The following RABGAP1 variants were observed in gnomAD, a reference collection of about 807,000 sequenced individuals.
RABGAP1 encodes the protein RAB GTPase activating protein 1, also known as rab GTPase-activating protein 1.
In RABGAP1, 23 loss-of-function variants were observed where a neutral mutation model predicts 137.6. That is an observed-to-expected ratio of 0.17 (90% confidence interval 0.12 to 0.24). The LOEUF is 0.24. Among genes scored for constraint, RABGAP1 ranks in the 10% least tolerant of loss-of-function variants. The pLI is 1.00. For missense variants in RABGAP1, 906 were observed against 1,275.8 expected, an observed-to-expected ratio of 0.71 and a Z score of 4.42; for synonymous variants, 451 against 450.7, an observed-to-expected ratio of 1.00 and a Z score of -0.01.
At chr9:122,978,571 G>C (rs1835884702) in intron 2 of RABGAP1, among the ~76,000 whole-genome samples, 2 of 152,086 alleles carry the variant, frequency 1.3e-5, no homozygotes, top group Non-Finnish European at 1.5e-5. Flanking sequence ...GAAGTTTGAG[G>C]CTGCAGTGAG....
intron 1 of RABGAP1, among the ~76,000 whole-genome samples, chr9:122,952,045 G>A (rs2131605998): frequency 6.6e-6 from 1 of 152,252 alleles, no homozygotes; most frequent in Middle Eastern, 3.4e-3. Context: ...TAATGTCTCT[G>A]TAAGAATAAA....
chr9:123,034,516 TG>T, intron 13 of RABGAP1: 1 of 1,183,082 alleles, frequency 8.5e-7, no homozygotes, highest in Non-Finnish European at 1.2e-6. Flanking sequence ...TTTGAACTGT[TG>T]GCAGCAGCCA....
chr9:123,059,883 C>G (rs1256237718), intron 13 of RABGAP1, among the ~76,000 whole-genome samples: 1 of 152,156 alleles, frequency 6.6e-6, no homozygotes, highest in East Asian at 1.9e-4. Context: ...GTTAGAGTAG[C>G]CCAAAGCGAC....
At chr9:123,092,939 C>T (rs1474512142) in intron 21 of RABGAP1, among the ~76,000 whole-genome samples, 1 of 152,156 alleles carries the variant, frequency 6.6e-6, no homozygotes. Flanking sequence ...GCCCATCCTG[C>T]AGTCATCTAA....
intron 14 of RABGAP1, among the ~76,000 whole-genome samples, chr9:123,065,774 A>G (rs2034149844): frequency 6.6e-6 from 1 of 151,964 alleles, no homozygotes; most frequent in African/African-American, 2.4e-5. Context: ...GACACTGCAG[A>G]CTCCTTTTCA....
chr9:122,964,940 G>A (rs1835059186), intron 2 of RABGAP1, among the ~76,000 whole-genome samples: 1 of 152,176 alleles, frequency 6.6e-6, no homozygotes, highest in Non-Finnish European at 1.5e-5. Flanking sequence ...AGGCTGCAGT[G>A]CGTTGTGATC....
At chr9:122,959,401 G>C (rs1175460992) in intron 2 of RABGAP1, among the ~76,000 whole-genome samples, 2 of 149,858 alleles carry the variant, frequency 1.3e-5, no homozygotes, top group Non-Finnish European at 3.0e-5. Flanking sequence ...AAATTTTGGA[G>C]AGTTTTGAAT....
intron 13 of RABGAP1, among the ~76,000 whole-genome samples, chr9:123,052,551 C>T (rs1433819658): frequency 1.3e-5 from 2 of 152,162 alleles, no homozygotes; most frequent in Non-Finnish European, 1.5e-5. Flanking sequence ...GTGAACAAAA[C>T]AGAAATCTCT....
intron 19 of RABGAP1, among the ~76,000 whole-genome samples, chr9:123,089,075 G>C (rs2034958272): frequency 2.6e-5 from 2 of 77,916 alleles, no homozygotes; most frequent in Non-Finnish European, 1.1e-4. Flanking sequence ...GAAAAGGCTT[G>C]AGAGAAAGAG....
At chr9:122,981,225 C>T (rs1836037668) in intron 2 of RABGAP1, among the ~76,000 whole-genome samples, 1 of 152,022 alleles carries the variant, frequency 6.6e-6, no homozygotes, top group Admixed American at 6.6e-5. Context: ...AGGGTTGCAC[C>T]ATGTTGGCCA....
rs774791977 is a variant in RABGAP1 at position 122,996,575 on chromosome 9, A to T, written c.1071A>T (p.Val357=). The change falls in exon 8 of 26, where the codon GTA becomes GTT. Residue 357 remains valine (V), a synonymous_variant. Coordinates refer to ENST00000373647, the MANE Select transcript of RABGAP1 (RefSeq NM_012197.4). ...TTCTCCTTAGTCCAGGAAAAGATGT[A>T]CGAAATAGTGACATGCACTTATTAG... ...FGLLLSPGKD[V]RNSDMHLLDL... 1.2e-6 allele frequency: 2 copies of T among 1,609,414 alleles called. No homozygotes were observed. Among genetic ancestry groups the T allele is most frequent in the South Asian group, 2.2e-5 (2 of 90,186 alleles).
rs574376230 is a variant in RABGAP1, at chr9:123,042,744, G to C, written c.1794+22285G>C. Among the ~76,000 whole-genome samples, 154 of 152,254 alleles carry C rather than the reference G, an allele frequency of 1.0e-3. 1 individual carries two copies. Among genetic ancestry groups the C allele is most frequent in the Non-Finnish European group, 1.9e-3 (129 of 68,016 alleles). ...TAACAGAATCTTCAGAAACAGAATA[G>C]AGGAAAAGAAAGGAAGAAATTAATA... On this transcript the variant is annotated intron_variant, in intron 13 of 25. Coordinates refer to ENST00000373647, the MANE Select transcript of RABGAP1 (RefSeq NM_012197.4).
At chr9:123,076,928 G>C (rs1435824480) in intron 19 of RABGAP1, 166 bp downstream of exon 19, 1 of 368,388 alleles carries the variant, frequency 2.7e-6, no homozygotes, top group African/African-American at 2.2e-5. Context: ...GTTTTCTTCT[G>C]TATTATATAA....
At chr9:123,005,079 TAA>T (rs1259044757) in intron 10 of RABGAP1, among the ~76,000 whole-genome samples, 1 of 114,220 alleles carries the variant, frequency 8.8e-6, no homozygotes, top group Non-Finnish European at 1.9e-5. Context: ...AAAAAAAAAC[TAA>T]AAAAGTCTTG....
chr9:123,035,512 A>G, intron 13 of RABGAP1: 1 of 1,613,796 alleles, frequency 6.2e-7, no homozygotes, highest in Non-Finnish European at 8.5e-7. Flanking sequence ...AAGAGGACTA[A>G]AGCGCCTCTC....
chr9:123,012,825 C>G (rs1019063252), intron 11 of RABGAP1, among the ~76,000 whole-genome samples: 1 of 152,186 alleles, frequency 6.6e-6, no homozygotes, highest in African/African-American at 2.4e-5. Flanking sequence ...AGAACTGGGA[C>G]TAAAGAAAAC....
intron 21 of RABGAP1, among the ~76,000 whole-genome samples, chr9:123,097,159 A>T (rs2035210169): frequency 6.6e-6 from 1 of 152,172 alleles, no homozygotes; most frequent in Non-Finnish European, 1.5e-5. Context: ...ACTAGAACTC[A>T]CAGATACGCC....
chr9:122,962,266 T>G (rs1277278797), intron 2 of RABGAP1, among the ~76,000 whole-genome samples: 1 of 151,448 alleles, frequency 6.6e-6, no homozygotes, highest in Non-Finnish European at 1.5e-5. Context: ...CCCAGCACTT[T>G]GGGAGAGTGA....
rs143536125 is a variant in RABGAP1 at position 123,003,414 on chromosome 9, A to G, written c.1374+4648A>G. 2.9e-3 allele frequency among the ~76,000 whole-genome samples: 445 copies of G among 152,318 alleles called. 2 individuals carry two copies. The highest frequency in any genetic ancestry group is 0.01 in the African/African-American group (419 of 41,570). ...ACATGCTACTTTTGTCTTTTCATCTATAAGAGTATTTTTAGGATTTACTGA... is the reference window on the plus strand; with the variant it reads ...ACATGCTACTTTTGTCTTTTCATCTGTAAGAGTATTTTTAGGATTTACTGA... On this transcript the variant is annotated intron_variant, in intron 10 of 25. Transcript: ENST00000373647.
Sources: allele counts gnomAD v4.1 joint callset (sites outside exome capture counted in the v4.1 genomes callset), GRCh38; gene constraint gnomAD v4.1.1; transcripts MANE v1.5; gene names NCBI Gene and HGNC (gene_info 2026-07-23, HGNC 2026-07-21).